Variants in LPP observed in about 807,000 individuals in gnomAD.
LPP encodes LIM domain containing preferred translocation partner in lipoma.
A neutral mutation model predicts 60.4 loss-of-function variants in LPP; 38 were observed. That is an observed-to-expected ratio of 0.63 (90% CI 0.49 to 0.83). LPP has a LOEUF of 0.83. Ranked by LOEUF, LPP falls within the 40% of genes least tolerant of loss-of-function variation. The probability of loss-of-function intolerance (pLI) is 0.00; values close to 1 mark genes in which losing one functional copy is unlikely to be tolerated. For synonymous variants in LPP, 328 were observed against 290.8 expected (o/e 1.13, Z -1.30); for missense variants, 902 against 783.6 (o/e 1.15, Z -1.80).
intron 8 of LPP, among the ~76,000 whole-genome samples, chr3:188,756,068 G>T (rs548141962): frequency 1.3e-5 from 2 of 152,156 alleles, no homozygotes; most frequent in African/African-American, 4.8e-5. Flanking sequence ...GAACAATCAG[G>T]AAGCCATTGC....
At chr3:188,805,315 G>A (rs934509237) in intron 9 of LPP, among the ~76,000 whole-genome samples, 1 of 151,822 alleles carries the variant, frequency 6.6e-6, no homozygotes, top group Non-Finnish European at 1.5e-5. Flanking sequence ...AAGCCATCTG[G>A]ACCTGGAATT....
chr3:188,760,281 T>C lies in LPP; in HGVS notation c.1409T>C (p.Ile470Thr), dbSNP rs537058764. The C allele has an allele frequency of 4.3e-6, 7 of 1,614,018 alleles. No individual in the cohort carries two copies. Among genetic ancestry groups the C allele is most frequent in the South Asian group, 2.2e-5 (2 of 91,066 alleles). The change falls in exon 9 of 12, where the codon ATT (isoleucine) becomes ACT (threonine). Residue 470 changes from isoleucine to threonine, a missense_variant and splice_region_variant. Physicochemically the swap from Ile to Thr is moderately conservative, Grantham distance 89 (BLOSUM62 -1). Transcript: ENST00000617246. The part of the protein sequence containing the change: ...EKKAYCEPCY[I>T]NTLEQCNVCS... ...AAAGCATACTGCGAGCCCTGCTACATTGTAAGTTCCAGATTTGTTCCTCAA... is the reference window on the plus strand; with the variant it reads ...AAAGCATACTGCGAGCCCTGCTACACTGTAAGTTCCAGATTTGTTCCTCAA...
rs143004126 is a variant in LPP, at chr3:188,309,311, G to T, written c.-66-32352G>T. ...GCTGGGATTACAGTCATGAGCCACC[G>T]CACCTGTCCGGAGCCTGCGTTTCTT... On this transcript the variant is annotated intron_variant, in intron 2 of 11. Transcript: ENST00000617246. Among the ~76,000 whole-genome samples, 64 of 152,140 alleles carry T rather than the reference G, an allele frequency of 4.2e-4. No homozygotes were observed. The East Asian group carries it at 0.011, about 25-fold the overall frequency.
At position 188,289,229 on chromosome 3, in the gene LPP, G is replaced by C. The variant is rs1745128639; in HGVS notation, c.-66-52434G>C. On this transcript the variant is annotated intron_variant, in intron 2 of 11. Coordinates refer to ENST00000617246, the MANE Select transcript of LPP (RefSeq NM_001375462.1). The stretch of plus-strand genomic sequence containing the variant: ...TAGCACGTCTAAAATCCAAGGCTCT[G>C]TGCTGGCCACTGTGTGTTTTACAGA... 3.3e-5 allele frequency among the ~76,000 whole-genome samples: 5 copies of C among 152,240 alleles called. No homozygotes were observed. The South Asian group carries it at 1.0e-3, about 32-fold the overall frequency.
At chr3:188,187,300 C>G (rs572212510) in intron 1 of LPP, among the ~76,000 whole-genome samples, 1 of 152,150 alleles carries the variant, frequency 6.6e-6, no homozygotes, top group African/African-American at 2.4e-5. Flanking sequence ...GGTTTCATTT[C>G]CTTTTCTGGG....
At chr3:188,568,047 T>A (rs919661210) in intron 6 of LPP, 1 of 152,026 alleles carries the variant, frequency 6.6e-6, no homozygotes, top group Admixed American at 6.6e-5. Flanking sequence ...GACCCAATTG[T>A]TAGTTGTGAA....
At chr3:188,454,916 C>T (rs1159677456) in intron 4 of LPP, among the ~76,000 whole-genome samples, 3 of 152,192 alleles carry the variant, frequency 2.0e-5, no homozygotes, top group Non-Finnish European at 2.9e-5. Flanking sequence ...CTAGAATAAA[C>T]CACATCAAGT....
At chr3:188,582,571 C>G (rs796446725) in intron 6 of LPP, among the ~76,000 whole-genome samples, 7 of 151,958 alleles carry the variant, frequency 4.6e-5, no homozygotes, top group African/African-American at 1.7e-4. Context: ...GTTAAGAGAG[C>G]CTTTAACTAC....
intron 4 of LPP, among the ~76,000 whole-genome samples, chr3:188,482,851 C>T (rs1805211455): frequency 6.6e-6 from 1 of 152,086 alleles, no homozygotes; most frequent in African/African-American, 2.4e-5. Flanking sequence ...GTAGTAACAA[C>T]ATGCAGTGGT....
chr3:188,715,868 T>G (rs918797994), intron 8 of LPP, among the ~76,000 whole-genome samples: 3 of 152,244 alleles, frequency 2.0e-5, no homozygotes, highest in Non-Finnish European at 4.4e-5. Context: ...GCAACACTGT[T>G]GGAAGACAGT....
At chr3:188,753,331 GA>G (rs1281200598) in intron 8 of LPP, among the ~76,000 whole-genome samples, 1 of 152,054 alleles carries the variant, frequency 6.6e-6, no homozygotes, top group African/African-American at 2.4e-5. Flanking sequence ...TTACATCAGC[GA>G]AACATGCTTG....
chr3:188,847,608 A>G (rs1761756610), intron 9 of LPP, among the ~76,000 whole-genome samples: 1 of 152,220 alleles, frequency 6.6e-6, no homozygotes, highest in Non-Finnish European at 1.5e-5. Flanking sequence ...TAATATTGTT[A>G]TGACCCAAGC....
chr3:188,855,695 A>G (rs2151898615), intron 9 of LPP, among the ~76,000 whole-genome samples: 1 of 152,350 alleles, frequency 6.6e-6, no homozygotes, highest in Admixed American at 6.5e-5. Flanking sequence ...TGAACAAGAC[A>G]AAGAACCATG....
chr3:188,294,588 G>A (rs1218111413), intron 2 of LPP, among the ~76,000 whole-genome samples: 3 of 152,076 alleles, frequency 2.0e-5, no homozygotes, highest in Non-Finnish European at 4.4e-5. Flanking sequence ...TTTCTCAGAA[G>A]CTTTAAAAAT....
chr3:188,804,256 TA>T (rs1748322456), intron 9 of LPP, among the ~76,000 whole-genome samples: 1 of 110,476 alleles, frequency 9.1e-6, no homozygotes, highest in Non-Finnish European at 1.8e-5. Flanking sequence ...TATATATATA[TA>T]TATATATATA....
intron 7 of LPP, among the ~76,000 whole-genome samples, chr3:188,657,681 C>T (rs1403825534): frequency 6.6e-6 from 1 of 152,006 alleles, no homozygotes; most frequent in Non-Finnish European, 1.5e-5. Flanking sequence ...GTTTGTCCAA[C>T]CTAAACAAAG....
At chr3:188,161,606 G>A (rs549466850) in intron 1 of LPP, among the ~76,000 whole-genome samples, 2 of 152,274 alleles carry the variant, frequency 1.3e-5, no homozygotes, top group South Asian at 4.1e-4. Context: ...GGACAGAGCT[G>A]CTCAATCACA....
chr3:188,457,263 G>A (rs1317948919), intron 4 of LPP, among the ~76,000 whole-genome samples: 1 of 152,088 alleles, frequency 6.6e-6, no homozygotes, highest in African/African-American at 2.4e-5. Context: ...AGGTGCCATG[G>A]CATTAAGATC....
At chr3:188,262,904 T>C (rs1482693442) in intron 2 of LPP, among the ~76,000 whole-genome samples, 2 of 152,054 alleles carry the variant, frequency 1.3e-5, no homozygotes, top group African/African-American at 2.4e-5. Flanking sequence ...TTTTCCATTC[T>C]ACAGTGATGC....
Sources: allele counts gnomAD v4.1 joint callset (sites outside exome capture counted in the v4.1 genomes callset), GRCh38; gene constraint gnomAD v4.1.1; transcripts MANE v1.5; gene names NCBI Gene and HGNC (gene_info 2026-07-23, HGNC 2026-07-21).